Variants in COMMD10 observed in about 807,000 individuals in gnomAD.
The protein encoded by COMMD10 is COMM domain containing 10.
COMMD10 carries 33 observed loss-of-function variants against 28.9 expected under a neutral mutation model. The observed-to-expected ratio is 1.14, with a 90% CI of 0.87 to 1.53. The LOEUF is 1.53. COMMD10 is among the 40% of genes most tolerant of loss of function. The probability of loss-of-function intolerance (pLI) is 0.00; values close to 1 mark genes in which losing one functional copy is unlikely to be tolerated. For missense variants in COMMD10, 310 were observed against 233.4 expected (o/e 1.33, Z -2.14); for synonymous variants, 110 against 81.7 (o/e 1.35, Z -1.87).
intron 5 of COMMD10, among the ~76,000 whole-genome samples, chr5:116,173,293 C>T (rs1408412199): frequency 6.6e-5 from 10 of 152,028 alleles, no homozygotes; most frequent in Middle Eastern, 3.4e-3. Context: ...GATATATCAG[C>T]GTTATTTCTA....
chr5:116,156,260 A>G (rs1752705329), intron 5 of COMMD10, among the ~76,000 whole-genome samples: 1 of 152,190 alleles, frequency 6.6e-6, no homozygotes, highest in Non-Finnish European at 1.5e-5. Flanking sequence ...AGGGTTTGTT[A>G]TCACACTGTC....
intron 4 of COMMD10, among the ~76,000 whole-genome samples, chr5:116,115,779 G>T (rs956827776): frequency 6.6e-6 from 1 of 151,982 alleles, no homozygotes; most frequent in African/African-American, 2.4e-5. Flanking sequence ...TTTTCTGGGA[G>T]ATACCTAAAG....
intron 5 of COMMD10, among the ~76,000 whole-genome samples, chr5:116,202,983 T>A (rs10078919): frequency 0.32 from 47,793 of 150,942 alleles, 10,678 homozygotes; most frequent in African/African-American, 0.64. Flanking sequence ...CTGAATGGTA[T>A]TGCCTAGGTT....
At chr5:116,255,529 ACT>A (rs1167478455) in intron 5 of COMMD10, among the ~76,000 whole-genome samples, 16 of 151,314 alleles carry the variant, frequency 1.1e-4, no homozygotes, top group South Asian at 2.1e-4. Context: ...GCTTGAGCAG[ACT>A]CTATTTTCAA....
chr5:116,177,435 C>T (rs1277317556), intron 5 of COMMD10, among the ~76,000 whole-genome samples: 1 of 151,898 alleles, frequency 6.6e-6, no homozygotes, highest in East Asian at 1.9e-4. Flanking sequence ...ATTTATCTTC[C>T]TGCCTTCAGA....
chr5:116,246,561 A>G (rs1359711441), intron 5 of COMMD10, among the ~76,000 whole-genome samples: 1 of 152,182 alleles, frequency 6.6e-6, no homozygotes, highest in Non-Finnish European at 1.5e-5. Context: ...GCAAAGCTGG[A>G]GGTATCCCAT....
chr5:116,226,263 A>G (rs866034804), intron 5 of COMMD10, among the ~76,000 whole-genome samples: 8 of 152,196 alleles, frequency 5.3e-5, no homozygotes, highest in Middle Eastern at 3.4e-3. Flanking sequence ...CAGCATGATC[A>G]GAAGTTAAAC....
intron 4 of COMMD10, among the ~76,000 whole-genome samples, chr5:116,116,175 A>T (rs1028036158): frequency 6.6e-6 from 1 of 152,196 alleles, no homozygotes; most frequent in African/African-American, 2.4e-5. Flanking sequence ...TATAACATTA[A>T]AAAAATCCCC....
chr5:116,138,850 A>G (rs1752111875), intron 5 of COMMD10, among the ~76,000 whole-genome samples: 1 of 151,712 alleles, frequency 6.6e-6, no homozygotes, highest in Non-Finnish European at 1.5e-5. Flanking sequence ...AAAATGGGCA[A>G]AAGTTCTTTT....
intron 5 of COMMD10, among the ~76,000 whole-genome samples, chr5:116,251,631 T>A (rs1750122884): frequency 6.6e-6 from 1 of 151,100 alleles, no homozygotes; most frequent in African/African-American, 2.4e-5. Flanking sequence ...ACTCATCATT[T>A]TTTATGGCTG....
chr5:116,255,899 T>C (rs1750270794), intron 5 of COMMD10: 1 of 151,468 alleles, frequency 6.6e-6, no homozygotes, highest in Admixed American at 6.6e-5. Flanking sequence ...ATTCTTATTT[T>C]TAAGCCATTT....
chr5:116,269,298 A>G (rs1435003361), intron 5 of COMMD10, among the ~76,000 whole-genome samples: 1 of 151,822 alleles, frequency 6.6e-6, no homozygotes, highest in Non-Finnish European at 1.5e-5. Context: ...ATTTTCTCCC[A>G]AGCCTTTAAG....
intron 5 of COMMD10, among the ~76,000 whole-genome samples, chr5:116,160,411 A>T (rs571684691): frequency 6.6e-6 from 1 of 152,304 alleles, no homozygotes; most frequent in South Asian, 2.1e-4. Context: ...TAGCATCCTA[A>T]TATCAGGTGC....
intron 4 of COMMD10, among the ~76,000 whole-genome samples, chr5:116,132,777 G>A (rs934248335): frequency 6.6e-6 from 1 of 152,070 alleles, no homozygotes; most frequent in Non-Finnish European, 1.5e-5. Flanking sequence ...GACTATGCTT[G>A]CTGTAATCAG....
chr5:116,102,825 C>T (rs1480381426), intron 4 of COMMD10, among the ~76,000 whole-genome samples: 1 of 152,032 alleles, frequency 6.6e-6, no homozygotes, highest in Non-Finnish European at 1.5e-5. Context: ...CAGCCCCCCA[C>T]ACCCTGACAG....
intron 5 of COMMD10, among the ~76,000 whole-genome samples, chr5:116,196,844 T>G (rs1269799750): frequency 6.6e-6 from 1 of 152,094 alleles, no homozygotes; most frequent in East Asian, 1.9e-4. Flanking sequence ...ATTACTAATT[T>G]TCAAATTTAT....
At chr5:116,132,358 T>C (rs1751888947) in intron 4 of COMMD10, among the ~76,000 whole-genome samples, 2 of 152,158 alleles carry the variant, frequency 1.3e-5, no homozygotes, top group African/African-American at 2.4e-5. Flanking sequence ...TCTTGAAAGA[T>C]TGTGGCTTAG....
At chr5:116,286,866 G>T (rs1434315368) in intron 5 of COMMD10, among the ~76,000 whole-genome samples, 1 of 151,630 alleles carries the variant, frequency 6.6e-6, no homozygotes, top group Admixed American at 6.6e-5. Flanking sequence ...ATGTCTGTTA[G>T]GTCTAATTGG....
chr5:116,254,728 A>C (rs1181268066), intron 5 of COMMD10, among the ~76,000 whole-genome samples: 5 of 151,728 alleles, frequency 3.3e-5, no homozygotes, highest in African/African-American at 1.2e-4. Flanking sequence ...GTATGTGGTC[A>C]GTTTTGGAAT....
Sources: gnomAD v4.1 joint callset for allele counts (sites outside exome capture counted in the v4.1 genomes callset) on GRCh38, gnomAD v4.1.1 for gene constraint, MANE v1.5 for transcripts, NCBI Gene and HGNC (gene_info 2026-07-23, HGNC 2026-07-21) for gene names.